FNDC3B: variants seen among roughly 807,000 people sequenced by gnomAD.
FNDC3B encodes fibronectin type III domain containing 3B, also known as fibronectin type III domain-containing protein 3B.
In FNDC3B, 12 loss-of-function variants were observed where a neutral mutation model predicts 151.5. That is an observed-to-expected ratio of 0.08 (90% CI 0.05 to 0.13). The LOEUF (loss-of-function observed/expected upper bound fraction) is 0.13, where lower values mean the gene tolerates loss of function less well. Among genes scored for constraint, FNDC3B ranks in the 10% least tolerant of loss-of-function variants. The pLI, the probability that FNDC3B is intolerant of heterozygous loss-of-function variation, is 1.00. For missense variants in FNDC3B, 1,214 were observed against 1,505.3 expected (o/e 0.81, Z 3.20); for synonymous variants, 528 against 549.0 (o/e 0.96, Z 0.54).
chr3:172,285,028 G>A (rs73031324), intron 6 of FNDC3B, among the ~76,000 whole-genome samples: 3,030 of 151,430 alleles, frequency 0.02, 101 homozygotes, highest in African/African-American at 0.069. Context: ...TTCCCCCCTC[G>A]TACTCTCTTC....
chr3:172,210,542 A>T (rs188740097), intron 3 of FNDC3B, among the ~76,000 whole-genome samples: 59 of 152,068 alleles, frequency 3.9e-4, no homozygotes, highest in Non-Finnish European at 8.2e-4. Context: ...AGAGATGAGA[A>T]TCTCACTTCT....
intron 25 of FNDC3B, among the ~76,000 whole-genome samples, chr3:172,382,087 A>G (rs1368825099): frequency 1.1e-4 from 16 of 152,208 alleles, no homozygotes; most frequent in Non-Finnish European, 1.8e-4. Flanking sequence ...ACTCCCACCA[A>G]CGGTGTAAAA....
intron 1 of FNDC3B, among the ~76,000 whole-genome samples, chr3:172,046,090 G>T (rs919499162): frequency 3.3e-5 from 5 of 152,064 alleles, no homozygotes; most frequent in Non-Finnish European, 7.4e-5. Context: ...AAGATCAGGG[G>T]ACAGAAATGT....
rs368374332 is a variant in FNDC3B, at chr3:172,350,392, T to C, written c.2515-2411T>C. 9.8e-5 allele frequency among the ~76,000 whole-genome samples: 15 copies of C among 152,338 alleles called. No individual in the cohort carries two copies. The East Asian group carries it at 2.7e-3, about 27-fold the overall frequency. On this transcript the variant is annotated intron_variant, in intron 21 of 25. Transcript: ENST00000415807. ...GCCATGTTCTTGTCCTTCTGTGATATGGTGATACAAAGCCCTAGTTGATAG... is the reference window on the plus strand; with the variant it reads ...GCCATGTTCTTGTCCTTCTGTGATACGGTGATACAAAGCCCTAGTTGATAG...
intron 11 of FNDC3B, among the ~76,000 whole-genome samples, chr3:172,311,735 G>A (rs1443240747): frequency 4.0e-5 from 6 of 151,078 alleles, no homozygotes; most frequent in Admixed American, 2.0e-4. Flanking sequence ...AAAATTAGCC[G>A]GGCGTAGTGG....
intron 23 of FNDC3B, among the ~76,000 whole-genome samples, 199 bp from the exon 24 acceptor site, chr3:172,378,071 G>C (rs1735244099): frequency 6.6e-6 from 1 of 152,126 alleles, no homozygotes; most frequent in African/African-American, 2.4e-5. Context: ...ATGTGCTTAA[G>C]TTTATGTTTT....
chr3:172,368,481 G>A (rs1251790088), intron 23 of FNDC3B, among the ~76,000 whole-genome samples: 3 of 152,038 alleles, frequency 2.0e-5, no homozygotes, highest in South Asian at 2.1e-4. Flanking sequence ...ACTAGTCCCC[G>A]ATCCATATAA....
rs535570442 is a variant in FNDC3B at position 172,115,093 on chromosome 3, G to A, written c.111+2503G>A. Reference sequence around the variant, plus strand: ...CTTTGTCATTGCCTCTACATCACTGGGGCTCAGCCTAGGCAGTGGCCTCTG... The same window carrying A: ...CTTTGTCATTGCCTCTACATCACTGAGGCTCAGCCTAGGCAGTGGCCTCTG... On this transcript the variant is annotated intron_variant, in intron 2 of 25. Transcript: ENST00000415807. 6.1e-4 allele frequency among the ~76,000 whole-genome samples: 93 copies of A among 152,250 alleles called. 1 individual carries two copies. The highest frequency in any genetic ancestry group is 5.9e-4 in the Admixed American group (9 of 15,292).
chr3:172,163,436 G>A (rs1722872916), intron 3 of FNDC3B, among the ~76,000 whole-genome samples: 1 of 152,030 alleles, frequency 6.6e-6, no homozygotes, highest in Admixed American at 6.6e-5. Context: ...ATCACTTTTT[G>A]ATGATTTTCC....
At chr3:172,139,869 C>T (rs769633677) in intron 3 of FNDC3B, among the ~76,000 whole-genome samples, 29 of 151,848 alleles carry the variant, frequency 1.9e-4, no homozygotes, top group Middle Eastern at 3.2e-3. Context: ...GATCATAGCT[C>T]GTTGCAGCCT....
chr3:172,176,713 T>A (rs1485234221), intron 3 of FNDC3B, among the ~76,000 whole-genome samples: 1 of 152,224 alleles, frequency 6.6e-6, no homozygotes, highest in African/African-American at 2.4e-5. Context: ...AAATGATGTC[T>A]GTTATTACTT....
intron 2 of FNDC3B, among the ~76,000 whole-genome samples, chr3:172,122,864 G>A (rs1177432111): frequency 6.6e-6 from 1 of 152,174 alleles, no homozygotes; most frequent in African/African-American, 2.4e-5. Context: ...GGTAATTGTG[G>A]TCTAGTTTTG....
intron 11 of FNDC3B, among the ~76,000 whole-genome samples, chr3:172,316,000 C>CTTTTTTT (rs555242809): frequency 1.3e-3 from 100 of 79,878 alleles, no homozygotes; most frequent in Non-Finnish European, 1.8e-3. Context: ...CTTTCTTCTT[C>CTTTTTTT]TTTTTTTTTT....
intron 3 of FNDC3B, among the ~76,000 whole-genome samples, chr3:172,183,482 T>C (rs913313852): frequency 6.6e-6 from 1 of 152,200 alleles, no homozygotes; most frequent in East Asian, 1.9e-4. Context: ...TTTTAACCCA[T>C]TTCTGGTTGT....
At chr3:172,139,377 A>G (rs956349952) in intron 3 of FNDC3B, among the ~76,000 whole-genome samples, 1 of 152,214 alleles carries the variant, frequency 6.6e-6, no homozygotes, top group Non-Finnish European at 1.5e-5. Context: ...CTTCAAAAGC[A>G]AAGCATGCAT....
intron 1 of FNDC3B, among the ~76,000 whole-genome samples, chr3:172,102,149 C>T (rs1479885459): frequency 6.6e-6 from 1 of 152,142 alleles, no homozygotes. Flanking sequence ...ACAATTAGCT[C>T]GCTAAGAGCA....
At chr3:172,335,622 TG>T (rs1732924118) in intron 15 of FNDC3B, 1 of 152,178 alleles carries the variant, frequency 6.6e-6, no homozygotes, top group Admixed American at 6.5e-5. Context: ...TCTTGAACTT[TG>T]GGAAATTTTA....
chr3:172,082,245 A>G (rs1206867325), intron 1 of FNDC3B, among the ~76,000 whole-genome samples: 1 of 152,224 alleles, frequency 6.6e-6, no homozygotes, highest in African/African-American at 2.4e-5. Flanking sequence ...TGTTTTCATA[A>G]ACATTTTTTC....
intron 2 of FNDC3B, among the ~76,000 whole-genome samples, chr3:172,132,869 T>C (rs73880106): frequency 0.086 from 13,042 of 152,312 alleles, 1,823 homozygotes; most frequent in African/African-American, 0.3. Flanking sequence ...AGTTGTCTAA[T>C]ATTAAATATT....
Sources: allele counts gnomAD v4.1 joint callset (sites outside exome capture counted in the v4.1 genomes callset), GRCh38; gene constraint gnomAD v4.1.1; transcripts MANE v1.5; gene names NCBI Gene and HGNC (gene_info 2026-07-23, HGNC 2026-07-21).